The following ATP10A variants were observed in gnomAD, a reference collection of about 807,000 sequenced individuals.
ATP10A encodes ATPase phospholipid transporting 10A (putative), also known as phospholipid-transporting ATPase VA.
A neutral mutation model predicts 147.8 loss-of-function variants in ATP10A; 111 were observed. The ratio of observed to expected loss-of-function variants is 0.75; its 90% CI spans 0.64 to 0.88. The LOEUF (loss-of-function observed/expected upper bound fraction) is 0.88. Among genes scored for constraint, ATP10A ranks in the 40% least tolerant of loss-of-function variants. ATP10A has a pLI of 0.00. For missense variants in ATP10A, 1,927 were observed against 1,959.0 expected (o/e 0.98, Z 0.31); for synonymous variants, 875 against 841.6 (o/e 1.04, Z -0.69).
In ATP10A at chr15:25,736,122, AAAG is replaced by A; in HGVS notation, c.671_673del (p.Pro224del). ...GCATTCGATCACGCTGGTGAACGTC[AAAG>A]GATTGAATTCGGAGACCTAAAATAA... On this transcript the variant is annotated inframe_deletion, in exon 3 of 21. Coordinates refer to ENST00000555815, the MANE Select transcript of ATP10A (RefSeq NM_024490.4). The A allele has an allele frequency of 6.2e-7, 1 of 1,613,088 alleles. No homozygotes were observed. Among genetic ancestry groups the A allele is most frequent in the Non-Finnish European group, 8.5e-7 (1 of 1,179,990 alleles).
At chr15:25,753,595 T>G (rs986741762) in intron 2 of ATP10A, among the ~76,000 whole-genome samples, 5 of 151,952 alleles carry the variant, frequency 3.3e-5, no homozygotes, top group African/African-American at 1.2e-4. Context: ...TAATTTTTGC[T>G]CCATTTTTCA....
At chr15:25,759,801 CAAA>C (rs147509751) in intron 2 of ATP10A, among the ~76,000 whole-genome samples, 3 of 138,036 alleles carry the variant, frequency 2.2e-5, no homozygotes, top group South Asian at 2.3e-4. Flanking sequence ...GACCCTGTCT[CAAA>C]AAAAAAAAAA....
intron 9 of ATP10A, among the ~76,000 whole-genome samples, chr15:25,715,148 G>C (rs1220154038): frequency 6.6e-6 from 1 of 152,186 alleles, no homozygotes; most frequent in Non-Finnish European, 1.5e-5. Flanking sequence ...ATCCTAAGTT[G>C]TGAATTACAG....
chr15:25,709,398 G>A (rs746515190), intron 10 of ATP10A: 9 of 152,184 alleles, frequency 5.9e-5, no homozygotes, highest in South Asian at 4.1e-4. Context: ...ATTGTTCCTC[G>A]AGCAAAGCCG....
intron 2 of ATP10A, among the ~76,000 whole-genome samples, chr15:25,742,320 A>AG (rs1887621633): frequency 6.6e-6 from 1 of 152,256 alleles, no homozygotes; most frequent in Admixed American, 6.5e-5. Context: ...AAACTGATCA[A>AG]GGGGTGTCTG....
At chr15:25,704,770 T>G (rs1900876119) in intron 12 of ATP10A, among the ~76,000 whole-genome samples, 1 of 152,240 alleles carries the variant, frequency 6.6e-6, no homozygotes, top group South Asian at 2.1e-4. Flanking sequence ...CACAGCGGCT[T>G]TCTTCAGCTT....
At chr15:25,776,863 T>C (rs1889631970) in intron 2 of ATP10A, among the ~76,000 whole-genome samples, 1 of 152,182 alleles carries the variant, frequency 6.6e-6, no homozygotes, top group Non-Finnish European at 1.5e-5. Flanking sequence ...CTGTAGTGCC[T>C]GGCACCTGAG....
intron 2 of ATP10A, among the ~76,000 whole-genome samples, chr15:25,780,248 C>T (rs887867328): frequency 5.3e-5 from 8 of 152,260 alleles, no homozygotes; most frequent in East Asian, 1.9e-4. Context: ...AACCAGAGGC[C>T]GGCTTCCCCA....
intron 1 of ATP10A, among the ~76,000 whole-genome samples, chr15:25,846,847 T>G (rs1409156242): frequency 2.0e-5 from 3 of 152,174 alleles, no homozygotes; most frequent in African/African-American, 4.8e-5. Context: ...TTATTTTCAT[T>G]TATATTTTGT....
In ATP10A at chr15:25,789,565, A is replaced by AGTGTGTGTGTGTGTGTGTGTGTGT. The variant is rs59744412; in HGVS notation, c.450-8366_450-8343dup. On this transcript the variant is annotated intron_variant, in intron 1 of 20. Coordinates refer to ENST00000555815, the MANE Select transcript of ATP10A (RefSeq NM_024490.4). ...TTTTCATATGGTGGACCAATAAAGA[A>AGTGTGTGTGTGTGTGTGTGTGTGT]GTGTGTGTGTGTGTGTGTGTGTGTG... Among the ~76,000 whole-genome samples the AGTGTGTGTGTGTGTGTGTGTGTGT allele has an allele frequency of 2.6e-3, 365 of 141,426 alleles. 2 individuals carry two copies. Among genetic ancestry groups the AGTGTGTGTGTGTGTGTGTGTGTGT allele is most frequent in the African/African-American group, 7.5e-3 (290 of 38,900 alleles). The allele number at this position is 141,426 out of a possible 152,430, so 92.8% of individuals were successfully genotyped here. A position where few individuals can be genotyped will look rare whatever the true frequency, so the allele number is the denominator to read the frequency against.
In ATP10A at chr15:25,679,438, C is replaced by T. The variant is rs138320224; in HGVS notation, c.4403G>A (p.Gly1468Glu). Residue 1468 changes from glycine to glutamate, a missense_variant, in exon 21 of 21, where the codon GGA (glycine) becomes GAA (glutamate). By Grantham distance (98) the Gly-to-Glu change is moderately conservative. Transcript: ENST00000555815. The part of the protein sequence containing the change: ...RTEQLADGQA[G>E]RGLPVQPHSG... ...GTGGGGCTGGACAGGAAGTCCACGT[C>T]CCGCTTGTCCATCTGCAAGCTGCTC... 6.2e-7 allele frequency: 1 copy of T among 1,613,904 alleles called. No homozygotes were observed. The highest frequency in any genetic ancestry group is 8.5e-7 in the Non-Finnish European group (1 of 1,179,942).
intron 1 of ATP10A, among the ~76,000 whole-genome samples, chr15:25,806,802 A>G (rs1305897570): frequency 2.0e-5 from 3 of 152,222 alleles, no homozygotes; most frequent in Non-Finnish European, 4.4e-5. Flanking sequence ...TCGGCTGTGC[A>G]GGGAGTTAAA....
chr15:25,762,675 G>A (rs913596794), intron 2 of ATP10A, among the ~76,000 whole-genome samples: 11 of 152,072 alleles, frequency 7.2e-5, no homozygotes, highest in Non-Finnish European at 2.9e-5. Context: ...TAGAACTCTT[G>A]GGCTCCAGGG....
chr15:25,796,218 C>G (rs557788715), intron 1 of ATP10A, among the ~76,000 whole-genome samples: 3 of 151,980 alleles, frequency 2.0e-5, no homozygotes, highest in Non-Finnish European at 4.4e-5. Context: ...GGGAGGAGTT[C>G]GAGACTAGCC....
intron 1 of ATP10A, among the ~76,000 whole-genome samples, chr15:25,821,273 C>G (rs2140844869): frequency 6.6e-6 from 1 of 152,124 alleles, no homozygotes; most frequent in Non-Finnish European, 1.5e-5. Context: ...CCTGTGGTCC[C>G]AGCTACTCAG....
At chr15:25,806,044 A>AT (rs1218128758) in intron 1 of ATP10A, among the ~76,000 whole-genome samples, 1 of 152,112 alleles carries the variant, frequency 6.6e-6, no homozygotes, top group Non-Finnish European at 1.5e-5. Flanking sequence ...CAAACAAGTG[A>AT]TTTTTTCATT....
At chr15:25,801,730 C>T (rs576130375) in intron 1 of ATP10A, among the ~76,000 whole-genome samples, 1 of 152,344 alleles carries the variant, frequency 6.6e-6, no homozygotes, top group African/African-American at 2.4e-5. Context: ...CCTGCTCTGG[C>T]TTTGCTCAGC....
chr15:25,777,308 T>G (rs1234537281), intron 2 of ATP10A, among the ~76,000 whole-genome samples: 1 of 152,102 alleles, frequency 6.6e-6, no homozygotes, highest in African/African-American at 2.4e-5. Context: ...TAGAGAGCTG[T>G]CACCAGTCTT....
downstream of ATP10A, among the ~76,000 whole-genome samples, chr15:25,672,805 A>G (rs1899068008): frequency 6.6e-6 from 1 of 152,180 alleles, no homozygotes; most frequent in Non-Finnish European, 1.5e-5. Context: ...AAAACAATGG[A>G]AAAAACTCTT....
Sources: allele counts gnomAD v4.1 joint callset (sites outside exome capture counted in the v4.1 genomes callset), GRCh38; gene constraint gnomAD v4.1.1; transcripts MANE v1.5; gene names NCBI Gene and HGNC (gene_info 2026-07-23, HGNC 2026-07-21).